The following PRDM10 variants were observed in gnomAD, a reference collection of about 807,000 sequenced individuals.
PRDM10 encodes the protein PR domain zinc finger protein 10.
A neutral mutation model predicts 133.1 loss-of-function variants in PRDM10; 65 were observed. The observed-to-expected ratio is 0.49, with a 90% CI of 0.40 to 0.60. The LOEUF (loss-of-function observed/expected upper bound fraction) is 0.60, where lower values mean the gene tolerates loss of function less well. PRDM10 is among the 20% of genes least tolerant of loss of function. The pLI is 0.00. For missense variants in PRDM10, 1,137 were observed against 1,507.1 expected (o/e 0.75, Z 4.07); for synonymous variants, 582 against 580.4 (o/e 1.00, Z -0.04).
At chr11:129,954,890 C>T (rs942654913) in intron 4 of PRDM10, among the ~76,000 whole-genome samples, 6 of 152,124 alleles carry the variant, frequency 3.9e-5, no homozygotes, top group African/African-American at 1.4e-4. Context: ...CCAGTCTGGT[C>T]TCAAACGATT....
At chr11:130,000,349 T>G (rs548654044) in intron 1 of PRDM10, among the ~76,000 whole-genome samples, 1 of 152,284 alleles carries the variant, frequency 6.6e-6, no homozygotes, top group South Asian at 2.1e-4. Context: ...GGCTTAAATT[T>G]TATGTTTTCT....
At chr11:129,957,476 C>A (rs1351328390) in intron 3 of PRDM10, among the ~76,000 whole-genome samples, 1 of 152,188 alleles carries the variant, frequency 6.6e-6, no homozygotes, top group Non-Finnish European at 1.5e-5. Context: ...CACCACCACG[C>A]CCAGCTACTT....
rs1054731310 is a variant in PRDM10, at chr11:129,947,635, C to A, written c.295-265G>T. On this transcript the variant is annotated intron_variant, in intron 4 of 20. Transcript: ENST00000360871. This position sits in a 1 kb window ranked among gnomAD's most constrained non-coding sequence, Gnocchi z 4.6. ...ACCTGGGAGGGCTGCTAAGAAGGCT[C>A]AGGTGCTCCCTCCTTTGGCAGCAGT... is the stretch of plus-strand genomic sequence containing the variant. The A allele has an allele frequency of 1.4e-5, 16 of 1,172,532 alleles. No homozygotes were observed. The highest frequency in any genetic ancestry group is 3.0e-5 in the Admixed American group (1 of 33,112). The allele number at this position is 1,172,532 out of a possible 1,614,324, so 72.6% of individuals were successfully genotyped here.
chr11:129,985,445 C>A (rs1938358437), intron 1 of PRDM10, among the ~76,000 whole-genome samples: 1 of 152,044 alleles, frequency 6.6e-6, no homozygotes, highest in Non-Finnish European at 1.5e-5. Flanking sequence ...TGCTCCCAAG[C>A]CACACAAAAT....
chr11:129,981,758 T>C (rs1938125408), intron 1 of PRDM10, among the ~76,000 whole-genome samples: 1 of 151,898 alleles, frequency 6.6e-6, no homozygotes, highest in African/African-American at 2.4e-5. Context: ...TAGCCAGGCA[T>C]GGTGGCGGGC....
intron 1 of PRDM10, among the ~76,000 whole-genome samples, chr11:129,978,907 T>A (rs990848163): frequency 1.3e-5 from 2 of 152,170 alleles, no homozygotes; most frequent in African/African-American, 4.8e-5. Context: ...ATTTGAGAGT[T>A]TGTTAGCGAT....
chr11:129,970,799 G>A (rs1952004627), intron 1 of PRDM10, among the ~76,000 whole-genome samples: 1 of 152,042 alleles, frequency 6.6e-6, no homozygotes, highest in African/African-American at 2.4e-5. Flanking sequence ...ACCCACCCTG[G>A]CCTCCCAAGT....
At chr11:129,976,944 G>T (rs1168028012) in intron 1 of PRDM10, among the ~76,000 whole-genome samples, 1 of 152,064 alleles carries the variant, frequency 6.6e-6, no homozygotes, top group Non-Finnish European at 1.5e-5. Context: ...CCTGAGAAAA[G>T]ATAAAAATGA....
chr11:129,937,961 C>T (rs1328739793), intron 7 of PRDM10, among the ~76,000 whole-genome samples: 1 of 152,134 alleles, frequency 6.6e-6, no homozygotes, highest in African/African-American at 2.4e-5. Context: ...ATAAAACAGC[C>T]TCCCCTGATT....
At chr11:129,940,018 A>C (rs1370603633) in intron 7 of PRDM10, among the ~76,000 whole-genome samples, 2 of 152,240 alleles carry the variant, frequency 1.3e-5, no homozygotes, top group Non-Finnish European at 2.9e-5. Context: ...GACAGCACAC[A>C]GAAAGGCACA....
intron 20 of PRDM10, among the ~76,000 whole-genome samples, chr11:129,903,277 A>G (rs1949899100): frequency 6.8e-6 from 1 of 147,246 alleles, no homozygotes; most frequent in African/African-American, 2.5e-5. Context: ...AAGCCTGGGC[A>G]ACAAGAGCGA....
At chr11:129,988,213 T>C (rs1193872226) in intron 1 of PRDM10, among the ~76,000 whole-genome samples, 1 of 152,108 alleles carries the variant, frequency 6.6e-6, no homozygotes, top group African/African-American at 2.4e-5. Flanking sequence ...TAGGAGGAGA[T>C]AGAAAAATTA....
chr11:129,924,855 A>C, intron 12 of PRDM10, 27 bp downstream of exon 12: 1 of 1,526,068 alleles, frequency 6.6e-7, no homozygotes, highest in Non-Finnish European at 8.8e-7. Context: ...AAGGAAGCAG[A>C]CAGGAATCTC....
chr11:129,936,415 A>G (rs1273133868), intron 8 of PRDM10, among the ~76,000 whole-genome samples: 1 of 152,090 alleles, frequency 6.6e-6, no homozygotes, highest in Non-Finnish European at 1.5e-5. Flanking sequence ...GCACTTTGGG[A>G]GGCCGAGGCA....
chr11:129,959,884 G>A (rs78818520), intron 2 of PRDM10, among the ~76,000 whole-genome samples: 3,085 of 150,864 alleles, frequency 0.02, 110 homozygotes, highest in African/African-American at 0.066. Flanking sequence ...AGACATGACC[G>A]CACCACTATA....
At chr11:129,984,000 G>A (rs894382209) in intron 1 of PRDM10, among the ~76,000 whole-genome samples, 2 of 152,122 alleles carry the variant, frequency 1.3e-5, no homozygotes, top group African/African-American at 4.8e-5. Flanking sequence ...CTCAACACTG[G>A]CTCCCACGCC....
chr11:129,945,135 A>G lies in PRDM10; in HGVS notation c.521-123T>C. ...TCAAGCCAAAATTCAATGAACTCCT[A>G]ATGGCGCTACCCATTCAACGGTAAT... On this transcript the variant is annotated intron_variant, in intron 5 of 20. Transcript: ENST00000360871. This position sits in a 1 kb window ranked among gnomAD's most constrained non-coding sequence, Gnocchi z 4.2. The G allele has an allele frequency of 8.5e-7, 1 of 1,181,740 alleles. No homozygotes were observed. The highest frequency in any genetic ancestry group is 1.2e-6 in the Non-Finnish European group (1 of 824,096). 73.2% of individuals were successfully genotyped at this position (1,181,740 alleles called of 1,614,324 possible). A position where few individuals can be genotyped will look rare whatever the true frequency, so the allele number is the denominator to read the frequency against.
Position 129,961,038 on chromosome 11 carries a change from C to T in PRDM10, c.-74G>A. 4.3e-6 allele frequency: 6 copies of T among 1,403,202 alleles called. No individual in the cohort carries two copies. Among genetic ancestry groups the T allele is most frequent in the Middle Eastern group, 1.8e-4 (1 of 5,584 alleles). The allele number at this position is 1,403,202 out of a possible 1,614,324, so 86.9% of individuals were successfully genotyped here. ...GGGTACAGGACAGTCATCTGTCTAC[C>T]ACACGTGTGTTCATGAAGGACGGAA... On this transcript the variant is annotated 5_prime_UTR_variant, in exon 2 of 21. Transcript: ENST00000360871.
At chr11:129,934,833 T>A (rs1950976482) in intron 9 of PRDM10, among the ~76,000 whole-genome samples, 1 of 152,224 alleles carries the variant, frequency 6.6e-6, no homozygotes, top group Non-Finnish European at 1.5e-5. Flanking sequence ...TCTCAAAAAT[T>A]CCTATTTCGG....
Sources: gnomAD v4.1 joint callset for allele counts (sites outside exome capture counted in the v4.1 genomes callset) on GRCh38, gnomAD v4.1.1 for gene constraint, Gnocchi (gnomAD v3.1) non-coding constraint, MANE v1.5 for transcripts, NCBI Gene and HGNC (gene_info 2026-07-23, HGNC 2026-07-21) for gene names.